Variants in NTMT1 observed in about 807,000 individuals in gnomAD.
The protein encoded by NTMT1 is N-terminal Xaa-Pro-Lys N-methyltransferase 1, also known as N-terminal RCC1 methyltransferase.
In NTMT1, 8 loss-of-function variants were observed where a neutral mutation model predicts 17.5. That is an observed-to-expected ratio of 0.46 (90% CI 0.27 to 0.82). NTMT1 has a LOEUF of 0.82. NTMT1 is among the 40% of genes least tolerant of loss of function. NTMT1 has a pLI of 0.15. For synonymous variants in NTMT1, 128 were observed against 126.8 expected (o/e 1.01, Z -0.06); for missense variants, 221 against 303.5 (o/e 0.73, Z 2.02).
intron 3 of NTMT1, 87 bp downstream of exon 3, chr9:129,634,393 C>A: frequency 6.8e-7 from 1 of 1,479,500 alleles, no homozygotes; most frequent in Non-Finnish European, 9.1e-7. Context: ...GGGCTTTGCA[C>A]TCCTGCAGCA....
chr9:129,620,388 G>C lies in NTMT1; in HGVS notation c.-55+11210G>C, dbSNP rs547381419. The C allele has an allele frequency of 7.2e-5, 89 of 1,232,022 alleles. No individual in the cohort carries two copies. In the African/African-American group the frequency reaches 1.3e-3, roughly 18 times the overall value. 76.3% of individuals were successfully genotyped at this position (1,232,022 alleles called of 1,614,324 possible). On this transcript the variant is annotated intron_variant, in intron 1 of 3. Coordinates refer to the NTMT1 transcript ENST00000372486. The surrounding 1 kb of genome is among the most constrained non-coding windows in gnomAD (Gnocchi z 5.8). ...ACCCCGGGCTTGGCGTCCCCTTCCG[G>C]CCACCACGCGGCGCCGCCCCCCGGG...
At chr9:129,635,023 C>T in intron 3 of NTMT1, 185 bp from the exon 4 acceptor site, 1 of 689,222 alleles carries the variant, frequency 1.5e-6, no homozygotes, top group East Asian at 2.7e-5. Context: ...ACCTCTGAGC[C>T]ACAGTTTCCT....
chr9:129,635,356 C>G lies in NTMT1; in HGVS notation c.564C>G (p.Asp188Glu). The G allele has an allele frequency of 6.2e-7, 1 of 1,613,842 alleles. No individual in the cohort carries two copies. The highest frequency in any genetic ancestry group is 8.5e-7 in the Non-Finnish European group (1 of 1,180,046). Residue 188 changes from aspartate to glutamate, a missense_variant, in exon 4 of 4, where the codon GAC (aspartate) becomes GAG (glutamate). Physicochemically the swap from Asp to Glu is conservative, Grantham distance 45. Coordinates refer to ENST00000372483, the MANE Select transcript of NTMT1 (RefSeq NM_014064.4). ...DVDSSVCRDL[D>E]VVRRIICSAG... ...ACAGCAGCGTGTGCCGGGACCTTGA[C>G]GTGGTCCGCAGGATCATCTGCAGTG...
Position 129,613,296 on chromosome 9 carries a change from C to T in NTMT1, c.-55+4118C>T, listed in dbSNP as rs577075699. 13 of 1,569,966 alleles carry T rather than the reference C, an allele frequency of 8.3e-6. No individual in the cohort carries two copies. Among genetic ancestry groups the T allele is most frequent in the African/African-American group, 1.4e-5 (1 of 73,498 alleles). On this transcript the variant is annotated intron_variant, in intron 1 of 3. Coordinates refer to the NTMT1 transcript ENST00000372486. The surrounding 1 kb of genome is among the most constrained non-coding windows in gnomAD (Gnocchi z 6.2). ...ATGAGCTTCCTGGACTCTGAGTCCC[C>T]GGCCCACCCATGGCTGGCAGGGCCC...
At chr9:129,629,790 C>T (rs1161743617) in intron 1 of NTMT1, among the ~76,000 whole-genome samples, 6 of 152,204 alleles carry the variant, frequency 3.9e-5, no homozygotes, top group African/African-American at 4.8e-5. Flanking sequence ...GGTCAGTCTG[C>T]GAGCGGATTC....
upstream of NTMT1, among the ~76,000 whole-genome samples, chr9:129,623,852 GTCGCGATCTCAGCTCA>G (rs1281926500): frequency 7.6e-6 from 1 of 132,224 alleles, no homozygotes; most frequent in Non-Finnish European, 1.6e-5. Flanking sequence ...TGGAGACGGA[GTCGCGATCTCAGCTCA>G]CTGCAAGCTC....
intron 1 of NTMT1, among the ~76,000 whole-genome samples, chr9:129,629,037 T>G (rs1357343814): frequency 6.6e-6 from 1 of 152,214 alleles, no homozygotes; most frequent in African/African-American, 2.4e-5. Flanking sequence ...GTTTTTTGTT[T>G]TTTGAGACAG....
chr9:129,623,651 T>C (rs1308035434), upstream of NTMT1, among the ~76,000 whole-genome samples: 1 of 152,200 alleles, frequency 6.6e-6, no homozygotes, highest in African/African-American at 2.4e-5. Context: ...TCGCCAAAGA[T>C]ATATTCTATT....
chr9:129,618,315 C>T lies in NTMT1; in HGVS notation c.-55+9137C>T, dbSNP rs544078046. 1.4e-4 allele frequency among the ~76,000 whole-genome samples: 22 copies of T among 152,298 alleles called. No individual in the cohort carries two copies. The South Asian group carries it at 4.4e-3, about 30-fold the overall frequency. ...TCCTAGGCTCTTCTCTTACCTCCATCCCTTAGTTTTCTCCCAATATTCAAC... is the reference window on the plus strand; with the variant it reads ...TCCTAGGCTCTTCTCTTACCTCCATTCCTTAGTTTTCTCCCAATATTCAAC... On this transcript the variant is annotated intron_variant, in intron 1 of 3. Coordinates refer to the NTMT1 transcript ENST00000372486.
upstream of NTMT1, among the ~76,000 whole-genome samples, chr9:129,621,972 C>A (rs2118900354): frequency 6.6e-6 from 1 of 152,320 alleles, no homozygotes; most frequent in African/African-American, 2.4e-5. Flanking sequence ...TCATTGTGAT[C>A]CGCCCCTCAC....
chr9:129,615,662 A>G, intron 1 of NTMT1: 1 of 1,525,372 alleles, frequency 6.6e-7, no homozygotes, highest in South Asian at 1.2e-5. Context: ...GAGAGGGGAG[A>G]GGGGCCTGTG....
intron 1 of NTMT1, among the ~76,000 whole-genome samples, chr9:129,619,043 G>A (rs1300943005): frequency 6.6e-6 from 1 of 152,022 alleles, no homozygotes; most frequent in Non-Finnish European, 1.5e-5. Context: ...TGGATGACTG[G>A]CTAGCTGGTT....
chr9:129,630,883 G>C (rs996522495), intron 1 of NTMT1, among the ~76,000 whole-genome samples: 9 of 152,236 alleles, frequency 5.9e-5, no homozygotes, highest in Admixed American at 1.3e-4. Context: ...CACTGTTGCT[G>C]TGTGTCCTCA....
chr9:129,617,759 C>G (rs1830465486), intron 1 of NTMT1, among the ~76,000 whole-genome samples: 1 of 152,186 alleles, frequency 6.6e-6, no homozygotes, highest in Admixed American at 6.5e-5. Flanking sequence ...TCTTGGCTCA[C>G]TGCAGCCTCA....
At chr9:129,633,776 T>C (rs1831333002) in intron 2 of NTMT1, 1 of 339,158 alleles carries the variant, frequency 2.9e-6, no homozygotes, top group Non-Finnish European at 5.4e-6. Context: ...GAGGCTACAG[T>C]GAGCCATGAT....
Position 129,614,545 on chromosome 9 carries a change from G to A in NTMT1, c.-55+5367G>A, listed in dbSNP as rs541986988. On this transcript the variant is annotated intron_variant, in intron 1 of 3. Transcript: ENST00000372486. This position sits in a 1 kb window ranked among gnomAD's most constrained non-coding sequence, Gnocchi z 4.4. ...GGCACACAGAAAAAGGTGGAGCTTA[G>A]TCAAGGTTATACCAGAGTAAGAACA... is the stretch of plus-strand genomic sequence containing the variant. Among the ~76,000 whole-genome samples the A allele has an allele frequency of 2.6e-5, 4 of 152,200 alleles. No individual in the cohort carries two copies. Among genetic ancestry groups the A allele is most frequent in the Non-Finnish European group, 4.4e-5 (3 of 68,036 alleles).
intron 1 of NTMT1, among the ~76,000 whole-genome samples, chr9:129,610,187 A>G (rs865774153): frequency 4.2e-4 from 40 of 94,128 alleles, no homozygotes; most frequent in South Asian, 1.4e-3. Flanking sequence ...GCCACAGGGG[A>G]GGGGGGAGGA....
chr9:129,610,119 G>T (rs1408974891), intron 1 of NTMT1, among the ~76,000 whole-genome samples: 1 of 149,546 alleles, frequency 6.7e-6, no homozygotes, highest in Non-Finnish European at 1.5e-5. Context: ...CGGGGAGGGA[G>T]TGGACAGCGC....
Position 129,620,718 on chromosome 9 carries a change from G to T in NTMT1, c.-55+11540G>T. ...GCGGGGTGAACGCCACCGGCCCGGC[G>T]GACAGCGAGTGGCTTCAGGCGAGAG... is the stretch of plus-strand genomic sequence containing the variant. On this transcript the variant is annotated intron_variant, in intron 1 of 3. Transcript: ENST00000372486. This position sits in a 1 kb window ranked among gnomAD's most constrained non-coding sequence, Gnocchi z 5.8. 1.4e-6 allele frequency: 1 copy of T among 716,204 alleles called. No homozygotes were observed. The highest frequency in any genetic ancestry group is 1.9e-6 in the Non-Finnish European group (1 of 518,006). The allele number at this position is 716,204 out of a possible 1,614,324, so 44.4% of individuals were successfully genotyped here. A position where few individuals can be genotyped will look rare whatever the true frequency, so the allele number is the denominator to read the frequency against.
Sources: gnomAD v4.1 joint callset for allele counts (sites outside exome capture counted in the v4.1 genomes callset) on GRCh38, gnomAD v4.1.1 for gene constraint, Gnocchi (gnomAD v3.1) non-coding constraint, MANE v1.5 for transcripts, NCBI Gene and HGNC (gene_info 2026-07-23, HGNC 2026-07-21) for gene names.